Variants in FLNB observed in about 807,000 individuals in gnomAD.
The protein encoded by FLNB is filamin B.
In FLNB, 111 loss-of-function variants were observed where a neutral mutation model predicts 250.6. The ratio of observed to expected loss-of-function variants is 0.44; its 90% CI spans 0.38 to 0.52. FLNB has a LOEUF of 0.52. Ranked by LOEUF, FLNB falls within the 20% of genes least tolerant of loss-of-function variation. The pLI is 0.00. For synonymous variants in FLNB, 1,302 were observed against 1,372.1 expected, an observed-to-expected ratio of 0.95 and a Z score of 1.13; for missense variants, 2,869 against 3,447.8, an observed-to-expected ratio of 0.83 and a Z score of 4.20.
At chr3:58,104,955 A>G in intron 10 of FLNB, 125 bp from the exon 11 acceptor site, 2 of 1,235,250 alleles carry the variant, frequency 1.6e-6, no homozygotes, top group Admixed American at 1.7e-5. Flanking sequence ...GCTTGGCTGC[A>G]GTTTGGGATG....
chr3:58,152,996 T>C, intron 38 of FLNB: 1 of 346,118 alleles, frequency 2.9e-6, no homozygotes, highest in Non-Finnish European at 5.6e-6. Context: ...CATTGGGACT[T>C]ACATATGTTC....
At chr3:58,017,413 G>A (rs9850521) in intron 1 of FLNB, among the ~76,000 whole-genome samples, 2,502 of 152,194 alleles carry the variant, frequency 0.016, 85 homozygotes, top group African/African-American at 0.057. Flanking sequence ...ATCACACCTG[G>A]ATAATTTTTT....
chr3:58,081,813 G>A, intron 4 of FLNB, 37 bp downstream of exon 4: 1 of 1,609,922 alleles, frequency 6.2e-7, no homozygotes, highest in Non-Finnish European at 8.5e-7. Flanking sequence ...TTGGAGACAT[G>A]TCCTCTGGTG....
At position 58,170,583 on chromosome 3, in the gene FLNB, A is replaced by G. The variant is rs1198541372; in HGVS notation, c.7630A>G (p.Met2544Val). ...CACCTTTTGCCTCCTAGGCTCCAAC[A>G]TGCTGCTGATCGGGGTCCATGGGCC... Reference protein sequence around the residue: ...LVDCSKAGSNMLLIGVHGPTT... With the variant: ...LVDCSKAGSNVLLIGVHGPTT... Residue 2544 changes from methionine (M) to valine (V), a missense_variant, in exon 46 of 46, where the codon ATG becomes GTG. Physicochemically the swap from Met to Val is conservative, Grantham distance 21. Transcript: ENST00000295956. 2 of 1,613,900 alleles carry G rather than the reference A, an allele frequency of 1.2e-6. No individual in the cohort carries two copies. Among genetic ancestry groups the G allele is most frequent in the Admixed American group, 1.7e-5 (1 of 59,978 alleles).
At chr3:58,019,888 G>A (rs1164197283) in intron 1 of FLNB, among the ~76,000 whole-genome samples, 1 of 152,198 alleles carries the variant, frequency 6.6e-6, no homozygotes, top group Non-Finnish European at 1.5e-5. Flanking sequence ...GGGCAGTAAT[G>A]TCACCGCAGG....
At chr3:58,098,655 G>T in intron 7 of FLNB, 56 bp from the exon 8 acceptor site, 4 of 1,560,352 alleles carry the variant, frequency 2.6e-6, no homozygotes, top group Admixed American at 3.3e-5. Flanking sequence ...GCACTCAGCA[G>T]CAGTGAGCTT....
rs2097265119 is a variant in FLNB, at chr3:58,109,612, A to G, written c.2236A>G (p.Lys746Glu). 1.9e-6 allele frequency: 3 copies of G among 1,614,198 alleles called. No homozygotes were observed. The highest frequency in any genetic ancestry group is 2.2e-5 in the East Asian group (1 of 44,880). The change falls in exon 15 of 46, where the codon AAA becomes GAA. Residue 746 changes from lysine (K) to glutamate (E), a missense_variant. Physicochemically the swap from Lys to Glu is moderately conservative, Grantham distance 56. Transcript: ENST00000295956. The stretch of plus-strand genomic sequence containing the variant: ...GCAAGGTAGCCATCCTCAGAAGGTC[A>G]AAGTGTTTGGGCCAGGTGTGGAGAG... ...IGQGSHPQKV[K>E]VFGPGVERSG...
intron 4 of FLNB, among the ~76,000 whole-genome samples, chr3:58,085,305 A>G (rs1035385165): frequency 1.3e-5 from 2 of 152,158 alleles, no homozygotes; most frequent in Non-Finnish European, 1.5e-5. Context: ...ATATTAGGTG[A>G]CAGGGTCACA....
intron 26 of FLNB, among the ~76,000 whole-genome samples, chr3:58,134,156 C>T (rs2097312343): frequency 6.6e-6 from 1 of 152,160 alleles, no homozygotes; most frequent in Non-Finnish European, 1.5e-5. Flanking sequence ...GGTGGGTGAG[C>T]CATCATTACT....
At chr3:58,071,801 G>C (rs546741184) in intron 1 of FLNB, among the ~76,000 whole-genome samples, 2 of 152,258 alleles carry the variant, frequency 1.3e-5, no homozygotes, top group South Asian at 4.2e-4. Context: ...GGATGGTTTG[G>C]TGCAGGAATG....
At chr3:58,106,352 C>CTATATATATATATATATATA (rs10540627) in intron 11 of FLNB, among the ~76,000 whole-genome samples, 3,518 of 132,166 alleles carry the variant, frequency 0.027, 109 homozygotes, top group Non-Finnish European at 0.039. Context: ...GTATTTAATA[C>CTATATATATATATATATATA]TATATATATA....
intron 26 of FLNB, among the ~76,000 whole-genome samples, chr3:58,134,359 G>A (rs2097312706): frequency 1.3e-5 from 2 of 152,254 alleles, no homozygotes; most frequent in African/African-American, 2.4e-5. Flanking sequence ...GGTCTTCTAC[G>A]AAACCAGTCC....
chr3:58,121,284 G>C lies in FLNB; in HGVS notation c.2907G>C (p.Arg969Ser). 1 of 1,614,140 alleles carries C rather than the reference G, an allele frequency of 6.2e-7. No homozygotes were observed. Among genetic ancestry groups the C allele is most frequent in the Non-Finnish European group, 8.5e-7 (1 of 1,180,014 alleles). Residue 969 changes from arginine to serine, a missense_variant, in exon 20 of 46, where the codon AGG becomes AGC. Transcript: ENST00000295956. ...GKDQEFTVDT[R>S]GAGGQGKLDV... ...ATCAGGAGTTCACCGTTGATACCAG[G>C]GGGGCAGGAGGCCAGGGGAAGCTGG...
At position 58,096,124 on chromosome 3, in the gene FLNB, C is replaced by T; in HGVS notation, c.907-17C>T. On this transcript the variant is annotated splice_polypyrimidine_tract_variant and intron_variant, in intron 5 of 45. Transcript: ENST00000295956. ...CACCCGGCACCTTTTCTAACTGTTG[C>T]CCACCTTCCCTCCTAGGCACAAGTG... 6.2e-7 allele frequency: 1 copy of T among 1,606,426 alleles called. No homozygotes were observed. Among genetic ancestry groups the T allele is most frequent in the Non-Finnish European group, 8.5e-7 (1 of 1,173,544 alleles).
intron 4 of FLNB, among the ~76,000 whole-genome samples, chr3:58,089,744 C>G (rs1331984686): frequency 6.6e-6 from 1 of 152,086 alleles, no homozygotes; most frequent in Non-Finnish European, 1.5e-5. Context: ...AGCGCAATAG[C>G]AGGGTGGAAG....
intron 1 of FLNB, among the ~76,000 whole-genome samples, chr3:58,015,802 G>A (rs978528779): frequency 6.6e-6 from 1 of 152,208 alleles, no homozygotes; most frequent in African/African-American, 2.4e-5. Context: ...CTCTGAAAAG[G>A]AGGAGCACCT....
chr3:58,077,582 G>C lies in FLNB; in HGVS notation c.541+288G>C, dbSNP rs13063266. 0.26 allele frequency among the ~76,000 whole-genome samples: 38,804 copies of C among 152,078 alleles called. 5,954 individuals carry two copies. Among genetic ancestry groups the C allele is most frequent in the Middle Eastern group, 0.4 (119 of 294 alleles). ...AAGCAAGACTTGGGTTTAGGTTCCA[G>C]ACTCCAAAATCCTGTGTCTTCCCAC... On this transcript the variant is annotated intron_variant, in intron 2 of 45. Coordinates refer to ENST00000295956, the MANE Select transcript of FLNB (RefSeq NM_001457.4).
At chr3:58,025,591 C>A (rs2097122487) in intron 1 of FLNB, among the ~76,000 whole-genome samples, 1 of 152,200 alleles carries the variant, frequency 6.6e-6, no homozygotes, top group South Asian at 2.1e-4. Flanking sequence ...CACCAGGGAG[C>A]TGCTTCCCTC....
chr3:58,034,994 C>T (rs2097136061), intron 1 of FLNB, among the ~76,000 whole-genome samples: 1 of 152,224 alleles, frequency 6.6e-6, no homozygotes, highest in South Asian at 2.1e-4. Flanking sequence ...GGGAATGACT[C>T]TTGGGACTGG....
Sources: allele counts gnomAD v4.1 joint callset (sites outside exome capture counted in the v4.1 genomes callset), GRCh38; gene constraint gnomAD v4.1.1; transcripts MANE v1.5; gene names NCBI Gene and HGNC (gene_info 2026-07-23, HGNC 2026-07-21).